Variants in SFXN5 observed in about 807,000 individuals in gnomAD.
The protein encoded by SFXN5 is sideroflexin-5.
A neutral mutation model predicts 50.2 loss-of-function variants in SFXN5; 43 were observed. That is an observed-to-expected ratio of 0.86 (90% CI 0.67 to 1.11). The LOEUF is 1.11. SFXN5 is among the 50% of genes least tolerant of loss of function. The probability of loss-of-function intolerance (pLI) is 0.00; values close to 1 mark genes in which losing one functional copy is unlikely to be tolerated. For synonymous variants in SFXN5, 203 were observed against 185.8 expected, an observed-to-expected ratio of 1.09 and a Z score of -0.75; for missense variants, 463 against 454.1, an observed-to-expected ratio of 1.02 and a Z score of -0.18.
At chr2:72,955,792 C>T (rs1673029437) in intron 13 of SFXN5, among the ~76,000 whole-genome samples, 2 of 152,182 alleles carry the variant, frequency 1.3e-5, no homozygotes, top group Admixed American at 1.3e-4. Flanking sequence ...GTGGGGAGGA[C>T]ACAGAGGACC....
rs1339527709 is a variant in SFXN5, at chr2:72,953,024, A to G, written c.946-7925T>C. Among the ~76,000 whole-genome samples the G allele has an allele frequency of 6.6e-6, 1 of 152,204 alleles. No individual in the cohort carries two copies. The highest frequency in any genetic ancestry group is 2.4e-5 in the African/African-American group (1 of 41,460). ...GTCCTGGAAAAAAGAACTGTGGGGGAAAGGCTGTCAGGCAGCCCCGCCGAG... is the reference window on the plus strand; with the variant it reads ...GTCCTGGAAAAAAGAACTGTGGGGGGAAGGCTGTCAGGCAGCCCCGCCGAG... On this transcript the variant is annotated intron_variant, in intron 13 of 13. Transcript: ENST00000272433. This position sits in a 1 kb window ranked among gnomAD's most constrained non-coding sequence, Gnocchi z 4.1.
intron 1 of SFXN5, chr2:73,059,009 C>A (rs1049274758): frequency 6.2e-6 from 6 of 960,002 alleles, no homozygotes; most frequent in Admixed American, 5.5e-5. Flanking sequence ...CCTGCCTACC[C>A]GCCACAGGGT....
At chr2:72,999,053 C>T in intron 8 of SFXN5, 39 bp from the exon 9 acceptor site, 1 of 1,601,918 alleles carries the variant, frequency 6.2e-7, no homozygotes, top group Non-Finnish European at 8.5e-7. Flanking sequence ...TGCTGGGTGC[C>T]CAAAGCTCCC....
In SFXN5 at chr2:73,064,498, G is replaced by A. The variant is rs555444328; in HGVS notation, c.103-5902C>T. Among the ~76,000 whole-genome samples, 159 of 152,302 alleles carry A rather than the reference G, an allele frequency of 1.0e-3. 1 individual carries two copies. In the South Asian group the frequency reaches 0.024, roughly 23 times the overall value. ...AGCACTAGAAAAAACTCACTGTCTC[G>A]CCTATAGGAAGTAAATGATTAAAAT... On this transcript the variant is annotated intron_variant, in intron 1 of 13. Transcript: ENST00000272433.
chr2:72,998,659 G>A (rs1469844511), intron 9 of SFXN5: 5 of 428,638 alleles, frequency 1.2e-5, no homozygotes, highest in Admixed American at 7.6e-5. Context: ...GCTCTTCCGA[G>A]CAGAGTGCTG....
At chr2:73,067,966 A>G (rs989223387) in intron 1 of SFXN5, among the ~76,000 whole-genome samples, 1 of 152,172 alleles carries the variant, frequency 6.6e-6, no homozygotes, top group Non-Finnish European at 1.5e-5. Flanking sequence ...TCAGTAAGTC[A>G]ATACACAAAA....
chr2:72,982,974 T>C (rs922656931), intron 10 of SFXN5, among the ~76,000 whole-genome samples: 18 of 152,186 alleles, frequency 1.2e-4, no homozygotes, highest in African/African-American at 2.2e-4. Flanking sequence ...CTGACCTTGA[T>C]GGATGGACCT....
chr2:72,969,039 C>T (rs979427222), intron 11 of SFXN5, among the ~76,000 whole-genome samples: 4 of 151,694 alleles, frequency 2.6e-5, no homozygotes, highest in African/African-American at 9.7e-5. Context: ...AACTCCTGAC[C>T]TCAGGTGATC....
chr2:72,985,306 G>A (rs371361404), intron 10 of SFXN5, among the ~76,000 whole-genome samples: 1 of 151,986 alleles, frequency 6.6e-6, no homozygotes, highest in African/African-American at 2.4e-5. Flanking sequence ...AGTGAACCCC[G>A]GGCAGGACCT....
chr2:73,066,964 G>A (rs1485775985), intron 1 of SFXN5, among the ~76,000 whole-genome samples: 1 of 152,216 alleles, frequency 6.6e-6, no homozygotes, highest in Non-Finnish European at 1.5e-5. Context: ...AGGATTGCTT[G>A]AGCCCAGGCG....
intron 11 of SFXN5, 130 bp from the exon 12 acceptor site, chr2:72,968,663 C>T: frequency 1.5e-6 from 1 of 674,086 alleles, no homozygotes; most frequent in African/African-American, 1.8e-5. Context: ...TGGGATTGCT[C>T]AGGAAGCTGC....
intron 6 of SFXN5, among the ~76,000 whole-genome samples, chr2:73,016,143 CT>C (rs1199065682): frequency 6.6e-6 from 1 of 152,102 alleles, no homozygotes; most frequent in Non-Finnish European, 1.5e-5. Context: ...TGTATCTTCT[CT>C]CTTTTGTCTT....
At chr2:73,031,806 TCA>T (rs1262752633) in intron 3 of SFXN5, among the ~76,000 whole-genome samples, 1 of 152,198 alleles carries the variant, frequency 6.6e-6, no homozygotes, top group African/African-American at 2.4e-5. Flanking sequence ...TGGCCCTCTC[TCA>T]GTCACTAACT....
intron 2 of SFXN5, among the ~76,000 whole-genome samples, chr2:73,052,334 GA>G (rs1681439989): frequency 7.9e-6 from 1 of 125,980 alleles, no homozygotes; most frequent in African/African-American, 3.8e-5. Flanking sequence ...AAATGTAAGA[GA>G]GAGAGTGTGT....
chr2:73,040,470 T>C (rs1444138565), intron 3 of SFXN5, among the ~76,000 whole-genome samples: 1 of 152,234 alleles, frequency 6.6e-6, no homozygotes, highest in Non-Finnish European at 1.5e-5. Flanking sequence ...ACCTGTTCTC[T>C]GGAGAAAAAG....
At chr2:73,058,749 A>C (rs1390765086) in intron 1 of SFXN5, among the ~76,000 whole-genome samples, 153 bp from the exon 2 acceptor site, 3 of 152,100 alleles carry the variant, frequency 2.0e-5, no homozygotes, top group Non-Finnish European at 4.4e-5. Context: ...CAGAAATCTA[A>C]GGACAGCTTT....
intron 12 of SFXN5, among the ~76,000 whole-genome samples, chr2:72,963,276 C>G (rs940341294): frequency 6.6e-6 from 1 of 152,202 alleles, no homozygotes; most frequent in Non-Finnish European, 1.5e-5. Context: ...GAGACGCTAC[C>G]CCCGGCAAGT....
At chr2:73,038,287 A>G (rs1035442655) in intron 3 of SFXN5, among the ~76,000 whole-genome samples, 3 of 152,216 alleles carry the variant, frequency 2.0e-5, no homozygotes, top group Admixed American at 2.0e-4. Flanking sequence ...GCACAGAAAC[A>G]GTTCAGTAAA....
chr2:72,951,624 GC>G, intron 13 of SFXN5, among the ~76,000 whole-genome samples: 1 of 148,188 alleles, frequency 6.7e-6, no homozygotes, highest in African/African-American at 2.5e-5. Flanking sequence ...CCCTGCCTGT[GC>G]CCCATTCTTG....
Sources: allele counts gnomAD v4.1 joint callset (sites outside exome capture counted in the v4.1 genomes callset), GRCh38; gene constraint gnomAD v4.1.1; non-coding constraint Gnocchi (gnomAD v3.1); transcripts MANE v1.5; gene names NCBI Gene and HGNC (gene_info 2026-07-23, HGNC 2026-07-21).